The following ACTR1A variants were observed in gnomAD, a reference collection of about 807,000 sequenced individuals.
ACTR1A encodes the protein alpha-centractin.
ACTR1A carries 10 observed loss-of-function variants against 50.7 expected under a neutral mutation model. The ratio of observed to expected loss-of-function variants is 0.20; its 90% CI spans 0.12 to 0.33. The LOEUF (loss-of-function observed/expected upper bound fraction) is 0.33, where lower values mean the gene tolerates loss of function less well. Ranked by LOEUF, ACTR1A falls within the 10% of genes least tolerant of loss-of-function variation. The pLI, the probability that ACTR1A is intolerant of heterozygous loss-of-function variation, is 1.00. For missense variants in ACTR1A, 253 were observed against 491.7 expected, an observed-to-expected ratio of 0.51 and a Z score of 4.59; for synonymous variants, 177 against 184.2, an observed-to-expected ratio of 0.96 and a Z score of 0.32.
rs370101460 is a variant in ACTR1A, at chr10:102,484,146, G to T, written c.657+14C>A. ...ACCCCCACTCCATCCCTAGGCCCAG[G>T]GGGCAGCACTTACTTCTTTTATGGC... On this transcript the variant is annotated intron_variant, in intron 6 of 10. Coordinates refer to ENST00000369905, the MANE Select transcript of ACTR1A (RefSeq NM_005736.4). 9 of 1,613,108 alleles carry T rather than the reference G, an allele frequency of 5.6e-6. No homozygotes were observed. The African/African-American group carries it at 9.3e-5, about 17-fold the overall frequency.
At chr10:102,483,454 T>G in intron 6 of ACTR1A, 1 of 203,794 alleles carries the variant, frequency 4.9e-6, no homozygotes, top group Non-Finnish European at 9.8e-6. Context: ...GTTTTCCCTA[T>G]AGCCACAGGT....
chr10:102,493,277 C>T (rs2062204432), intron 1 of ACTR1A, among the ~76,000 whole-genome samples: 1 of 152,174 alleles, frequency 6.6e-6, no homozygotes, highest in Non-Finnish European at 1.5e-5. Flanking sequence ...AAGGGGGGAA[C>T]TCCTAGAACT....
intron 1 of ACTR1A, among the ~76,000 whole-genome samples, chr10:102,499,060 A>T (rs1263729157): frequency 6.6e-6 from 1 of 152,192 alleles, no homozygotes; most frequent in Non-Finnish European, 1.5e-5. Flanking sequence ...AAGATGAAAG[A>T]CGTGGTCACA....
Position 102,482,358 on chromosome 10 carries a change from A to C in ACTR1A, c.751-183T>G, listed in dbSNP as rs1468100379. On this transcript the variant is annotated intron_variant, in intron 7 of 10. Transcript: ENST00000369905. The surrounding 1 kb of genome is among the most constrained non-coding windows in gnomAD (Gnocchi z 5.6). The stretch of plus-strand genomic sequence containing the variant: ...AAGATAGGCCTCCTGGAAACTAGTG[A>C]GGGGAGGCTCCTATATTTCCTTCTC... 4.9e-6 allele frequency: 3 copies of C among 612,790 alleles called. No individual in the cohort carries two copies. Among genetic ancestry groups the C allele is most frequent in the Non-Finnish European group, 8.6e-6 (3 of 349,222 alleles). The allele number at this position is 612,790 out of a possible 1,614,324, so 38.0% of individuals were successfully genotyped here. A position where few individuals can be genotyped will look rare whatever the true frequency, so the allele number is the denominator to read the frequency against.
chr10:102,500,499 G>A (rs1426672913), intron 1 of ACTR1A, among the ~76,000 whole-genome samples: 1 of 152,156 alleles, frequency 6.6e-6, no homozygotes, highest in Non-Finnish European at 1.5e-5. Context: ...AACCCGGGAG[G>A]CGGAGCTTGC....
chr10:102,491,202 AG>A (rs1228820873), intron 1 of ACTR1A, among the ~76,000 whole-genome samples: 6 of 152,296 alleles, frequency 3.9e-5, no homozygotes, highest in Admixed American at 6.5e-5. Flanking sequence ...CTAGTAATAA[AG>A]GGAAGAAAAA....
At chr10:102,480,990 CTG>C in intron 10 of ACTR1A, 25 bp from the exon 11 acceptor site, 1 of 1,597,812 alleles carries the variant, frequency 6.3e-7, no homozygotes. Flanking sequence ...CCCAGAGGAA[CTG>C]TGTGAGAGAG....
chr10:102,481,787 T>G, intron 9 of ACTR1A, 50 bp downstream of exon 9: 1 of 1,600,946 alleles, frequency 6.2e-7, no homozygotes, highest in African/African-American at 1.3e-5. Context: ...GGTGGCACTC[T>G]GTCCATGGAA....
rs770067255 is a variant in ACTR1A at position 102,481,084 on chromosome 10, A to G, written c.1028+48T>C. The G allele has an allele frequency of 4.4e-6, 7 of 1,598,190 alleles. No homozygotes were observed. In the Admixed American group the frequency reaches 1.0e-4, roughly 23 times the overall value. On this transcript the variant is annotated intron_variant, in intron 10 of 10. Coordinates refer to ENST00000369905, the MANE Select transcript of ACTR1A (RefSeq NM_005736.4). Reference sequence around the variant, plus strand: ...CTTTAGAGGGTGCTGAGGGGTTATCAGTGCCATCACTTCCTGTTCTGTTCT... The same window carrying G: ...CTTTAGAGGGTGCTGAGGGGTTATCGGTGCCATCACTTCCTGTTCTGTTCT...
Position 102,482,761 on chromosome 10 carries a change from C to T in ACTR1A, c.750+250G>A, listed in dbSNP as rs1356321080. 1 of 523,912 alleles carries T rather than the reference C, an allele frequency of 1.9e-6. No individual in the cohort carries two copies. The highest frequency in any genetic ancestry group is 3.4e-6 in the Non-Finnish European group (1 of 292,452). 32.5% of individuals were successfully genotyped at this position (523,912 alleles called of 1,614,324 possible). A position where few individuals can be genotyped will look rare whatever the true frequency, so the allele number is the denominator to read the frequency against. On this transcript the variant is annotated intron_variant, in intron 7 of 10. Transcript: ENST00000369905. This position sits in a 1 kb window ranked among gnomAD's most constrained non-coding sequence, Gnocchi z 5.6. ...GGGCCACACATAATATACACTAACA[C>T]TAATGACAGCTGCTGAGCTAAAAAA...
chr10:102,500,600 C>CAAACAAACAAACAAAA lies in ACTR1A; in HGVS notation c.48+1999_48+2000insTTTTGTTTGTTTGTTT, dbSNP rs779479757. The stretch of plus-strand genomic sequence containing the variant: ...ACAAACAAACAAACAAACAAACAAA[C>CAAACAAACAAACAAAA]AAACAAAAATTAGCCAGGCGTGGTG... On this transcript the variant is annotated intron_variant, in intron 1 of 10. Transcript: ENST00000369905. Among the ~76,000 whole-genome samples the CAAACAAACAAACAAAA allele has an allele frequency of 5.2e-4, 68 of 130,726 alleles. 4 individuals are homozygous for CAAACAAACAAACAAAA. The highest frequency in any genetic ancestry group is 1.5e-3 in the Admixed American group (19 of 12,968). 85.8% of individuals were successfully genotyped at this position (130,726 alleles called of 152,430 possible).
chr10:102,500,631 C>T (rs12766112), intron 1 of ACTR1A, among the ~76,000 whole-genome samples: 69,789 of 151,484 alleles, frequency 0.46, 17,059 homozygotes, highest in Middle Eastern at 0.61. Context: ...TGGTGGTGCA[C>T]ATCTGTAATC....
In ACTR1A at chr10:102,480,954, A is replaced by C; in HGVS notation, c.1040T>G (p.Leu347Arg). The change falls in exon 11 of 11, where the codon CTT (leucine) becomes CGT (arginine). Residue 347 changes from leucine to arginine, a missense_variant. By Grantham distance (102) the Leu-to-Arg change is moderately radical. Around this residue, in one of 4 missense-constraint regions of ACTR1A, gnomAD observed 27 missense variants for 80.7 expected, o/e 0.33. Transcript: ENST00000369905. The part of the protein sequence containing the change: ...LYSTWIGGSI[L>R]ASLDTFKKMW... ...CTTCTTAAAGGTGTCCAGGGAGGCA[A>C]GGATGGAGCCCCTGGAGGGAGGAAA... is the stretch of plus-strand genomic sequence containing the variant. The C allele has an allele frequency of 6.2e-7, 1 of 1,613,842 alleles. No individual in the cohort carries two copies. The highest frequency in any genetic ancestry group is 8.5e-7 in the Non-Finnish European group (1 of 1,179,736).
intron 1 of ACTR1A, among the ~76,000 whole-genome samples, chr10:102,497,174 A>G (rs2062226365): frequency 6.7e-6 from 1 of 150,324 alleles, no homozygotes; most frequent in African/African-American, 2.4e-5. Context: ...ATCTCAGGAA[A>G]AAAAAAAAAA....
chr10:102,485,744 G>A lies in ACTR1A; in HGVS notation c.316-11C>T, dbSNP rs1189897661. The A allele has an allele frequency of 6.2e-7, 1 of 1,613,628 alleles. No individual in the cohort carries two copies. The highest frequency in any genetic ancestry group is 2.2e-5 in the East Asian group (1 of 44,860). On this transcript the variant is annotated splice_polypyrimidine_tract_variant and intron_variant, in intron 4 of 10. Coordinates refer to ENST00000369905, the MANE Select transcript of ACTR1A (RefSeq NM_005736.4). ...CAGGAGCACAGGATGCTGGTGAAAG[G>A]AGCCCGGGAGACAATGAGGCCAAGG... is the stretch of plus-strand genomic sequence containing the variant.
intron 6 of ACTR1A, chr10:102,483,430 C>T: frequency 4.0e-6 from 1 of 247,272 alleles, no homozygotes; most frequent in Non-Finnish European, 7.7e-6. Flanking sequence ...TGGTTCTGGT[C>T]CTACCCAGCT....
At chr10:102,492,005 G>A (rs1372449650) in intron 1 of ACTR1A, among the ~76,000 whole-genome samples, 3 of 143,680 alleles carry the variant, frequency 2.1e-5, no homozygotes, top group East Asian at 4.1e-4. Context: ...TCCTGACCTC[G>A]TGATCCGCCC....
Position 102,484,364 on chromosome 10 carries a change from G to T in ACTR1A, c.453C>A (p.Gly151=). 2 of 1,613,822 alleles carry T rather than the reference G, an allele frequency of 1.2e-6. No homozygotes were observed. The highest frequency in any genetic ancestry group is 8.5e-7 in the Non-Finnish European group (1 of 1,179,818). Residue 151 remains glycine, a synonymous_variant, in exon 6 of 11, where the codon GGC becomes GGA. Coordinates refer to ENST00000369905, the MANE Select transcript of ACTR1A (RefSeq NM_005736.4). ...AATCCAGCACCACCCCTGTGGTCCT[G>T]CCTGTAGCGTAACTGAAGCAAAGGG... The part of the protein sequence containing the change: ...MQAVLSLYAT[G]RTTGVVLDSG...
chr10:102,493,473 A>AG (rs1454588134), intron 1 of ACTR1A, among the ~76,000 whole-genome samples: 1 of 152,234 alleles, frequency 6.6e-6, no homozygotes, highest in South Asian at 2.1e-4. Flanking sequence ...CAAAAGGACT[A>AG]GAGTCTGGGT....
Sources: gnomAD v4.1 joint callset for allele counts (sites outside exome capture counted in the v4.1 genomes callset) on GRCh38, gnomAD v4.1.1 for gene constraint, gnomAD v4.1.1 regional missense constraint, Gnocchi (gnomAD v3.1) non-coding constraint, MANE v1.5 for transcripts, NCBI Gene and HGNC (gene_info 2026-07-23, HGNC 2026-07-21) for gene names.